BICRA: variants seen among roughly 807,000 people sequenced by gnomAD.
BICRA encodes the protein BRD4 interacting chromatin remodeling complex associated protein.
A neutral mutation model predicts 96.9 loss-of-function variants in BICRA; 31 were observed. That is an observed-to-expected ratio of 0.32 (90% CI 0.24 to 0.43). The LOEUF is 0.43. BICRA is among the 20% of genes least tolerant of loss of function. BICRA has a pLI of 1.00. For missense variants in BICRA, 2,283 were observed against 2,190.3 expected, an observed-to-expected ratio of 1.04 and a Z score of -0.84; for synonymous variants, 1,350 against 1,071.8, an observed-to-expected ratio of 1.26 and a Z score of -5.07.
intron 1 of BICRA, among the ~76,000 whole-genome samples, chr19:47,648,768 T>C (rs1314176767): frequency 6.7e-6 from 1 of 149,658 alleles, no homozygotes; most frequent in African/African-American, 2.5e-5. Context: ...AGCCTCTGCC[T>C]CCTGAGTTCA....
In BICRA at chr19:47,698,679, C is replaced by A; in HGVS notation, c.3294C>A (p.Pro1098=). Residue 1098 remains proline (P), a synonymous_variant, in exon 12 of 15, where the codon CCC becomes CCA. Coordinates refer to ENST00000594866, the MANE Select transcript of BICRA (RefSeq NM_001394372.1). This position sits in a 1 kb window ranked among gnomAD's most constrained non-coding sequence, Gnocchi z 4.8. The part of the protein sequence containing the change: ...LHKHQGSVLH[P]DYKTAFPSFE... The stretch of plus-strand genomic sequence containing the variant: ...AACACCAGGGCTCCGTCCTGCACCC[C>A]GACTACAAGACGGCCTTCCCCTCCT... 6.3e-7 allele frequency: 1 copy of A among 1,583,374 alleles called. No homozygotes were observed. Among genetic ancestry groups the A allele is most frequent in the Non-Finnish European group, 8.7e-7 (1 of 1,152,020 alleles).
Position 47,679,688 on chromosome 19 carries a change from C to A in BICRA, c.518C>A (p.Pro173His). 1 of 1,527,758 alleles carries A rather than the reference C, an allele frequency of 6.5e-7. No homozygotes were observed. 94.6% of individuals were successfully genotyped at this position (1,527,758 alleles called of 1,614,324 possible). The part of the protein sequence containing the change: ...STDLLGLQGP[P>H]TVLTHQALVP... ...GACCTGCTGGGGCTGCAGGGCCCGC[C>A]TACCGTGCTGACCCACCAGGCCCTG... Residue 173 changes from proline to histidine, a missense_variant, in exon 6 of 15, where the codon CCT (proline) becomes CAT (histidine). By Grantham distance (77) the Pro-to-His change is moderately conservative. Transcript: ENST00000594866.
intron 14 of BICRA, chr19:47,700,901 G>A (rs1973430265): frequency 4.9e-6 from 1 of 205,356 alleles, no homozygotes; most frequent in South Asian, 9.4e-5. Context: ...TATAATTAGA[G>A]CAGTGCTGTC....
chr19:47,648,237 C>T (rs1972490853), intron 1 of BICRA, among the ~76,000 whole-genome samples: 1 of 113,022 alleles, frequency 8.8e-6, no homozygotes, highest in Non-Finnish European at 1.8e-5. Context: ...AGCTGTAACC[C>T]ACCCCGTGCC....
chr19:47,658,364 A>T lies in BICRA; in HGVS notation c.-107-12079A>T, dbSNP rs544216125. 5.0e-4 allele frequency among the ~76,000 whole-genome samples: 76 copies of T among 152,196 alleles called. 1 individual carries two copies. The highest frequency in any genetic ancestry group is 1.7e-3 in the African/African-American group (71 of 41,538). On this transcript the variant is annotated intron_variant, in intron 1 of 14. Coordinates refer to ENST00000594866, the MANE Select transcript of BICRA (RefSeq NM_001394372.1). ...CTGGTGGCTTGTGTTTGATACAAGA[A>T]CAAGAACCCCAGAAGGAAAACTAAA...
At chr19:47,685,786 T>TGTGTGTGTGTGTGTGTGTGCGC in intron 7 of BICRA, among the ~76,000 whole-genome samples, 48 of 117,960 alleles carry the variant, frequency 4.1e-4, no homozygotes, top group African/African-American at 9.4e-4. Context: ...TGTGTGTGTG[T>TGTGTGTGTGTGTGTGTGTGCGC]GCGCGCGCGC....
Position 47,694,660 on chromosome 19 carries a change from C to T in BICRA, c.2829C>T (p.Phe943=). 1 of 1,596,442 alleles carries T rather than the reference C, an allele frequency of 6.3e-7. No individual in the cohort carries two copies. The highest frequency in any genetic ancestry group is 1.1e-5 in the South Asian group (1 of 90,508). Residue 943 remains phenylalanine, a synonymous_variant, in exon 8 of 15, where the codon TTC becomes TTT. Coordinates refer to ENST00000594866, the MANE Select transcript of BICRA (RefSeq NM_001394372.1). ...AAPPPPPPRT[F]QMVTTPFPAL... ...CCCCCCCACCGCCTCCTCGGACCTT[C>T]CAGATGGTGACCACCCCCTTCCCAG...
At chr19:47,646,448 T>C (rs6143070) in intron 1 of BICRA, among the ~76,000 whole-genome samples, 108,931 of 151,008 alleles carry the variant, frequency 0.72, 39,599 homozygotes, top group African/African-American at 0.82. Context: ...GACACACGTG[T>C]GCGCGCACAC....
chr19:47,689,463 T>C (rs1973208011), intron 7 of BICRA, among the ~76,000 whole-genome samples: 1 of 152,130 alleles, frequency 6.6e-6, no homozygotes, highest in African/African-American at 2.4e-5. Flanking sequence ...CAGGCTGGAG[T>C]GCAGTGGCAA....
chr19:47,667,169 C>T (rs564379101), intron 1 of BICRA, among the ~76,000 whole-genome samples: 3 of 152,256 alleles, frequency 2.0e-5, no homozygotes, highest in African/African-American at 7.2e-5. Context: ...CAGGCGCCCA[C>T]CCCCACGCCG....
chr19:47,664,394 C>G (rs1972745680), intron 1 of BICRA, among the ~76,000 whole-genome samples: 1 of 152,126 alleles, frequency 6.6e-6, no homozygotes, highest in African/African-American at 2.4e-5. Flanking sequence ...TTCTCTGGAG[C>G]TGGTTGTGGT....
At chr19:47,687,656 C>T (rs539805541) in intron 7 of BICRA, among the ~76,000 whole-genome samples, 4 of 152,006 alleles carry the variant, frequency 2.6e-5, no homozygotes, top group South Asian at 2.1e-4. Context: ...ATGAGCCAGG[C>T]GTGATGGTGG....
chr19:47,645,525 AG>A (rs1478485025), intron 1 of BICRA, among the ~76,000 whole-genome samples: 3 of 152,196 alleles, frequency 2.0e-5, no homozygotes, highest in African/African-American at 7.2e-5. Context: ...TTTCAAGAAA[AG>A]GTTAAAGAAA....
At chr19:47,639,140 A>T (rs1169232910) in intron 1 of BICRA, among the ~76,000 whole-genome samples, 1 of 151,358 alleles carries the variant, frequency 6.6e-6, no homozygotes, top group Non-Finnish European at 1.5e-5. Context: ...AGTAGCTGGG[A>T]CTACAGGTGT....
At chr19:47,673,873 T>A in intron 4 of BICRA, 111 bp downstream of exon 4, 3 of 961,360 alleles carry the variant, frequency 3.1e-6, no homozygotes, top group Non-Finnish European at 5.1e-6. Flanking sequence ...GCCTTGTGGC[T>A]TCTAACGCCA....
chr19:47,680,535 C>A lies in BICRA; in HGVS notation c.1365C>A (p.Gly455=). 6.4e-7 allele frequency: 1 copy of A among 1,558,956 alleles called. No individual in the cohort carries two copies. Among genetic ancestry groups the A allele is most frequent in the Non-Finnish European group, 8.7e-7 (1 of 1,153,030 alleles). The change falls in exon 6 of 15, where the codon GGC becomes GGA. Residue 455 remains glycine (G), a synonymous_variant. Coordinates refer to ENST00000594866, the MANE Select transcript of BICRA (RefSeq NM_001394372.1). ...KPMSVHLLNQ[G]SSIVIPAQHM... Reference sequence around the variant, plus strand: ...TGAGCGTCCACCTCCTGAACCAAGGCAGCAGCATCGTCATCCCCGCCCAGC... The same window carrying A: ...TGAGCGTCCACCTCCTGAACCAAGGAAGCAGCATCGTCATCCCCGCCCAGC...
chr19:47,666,092 T>C (rs1972774415), intron 1 of BICRA, among the ~76,000 whole-genome samples: 1 of 152,154 alleles, frequency 6.6e-6, no homozygotes, highest in Admixed American at 6.5e-5. Context: ...AACAGTCCCA[T>C]GGAGGACGTA....
rs1473808245 is a variant in BICRA, at chr19:47,657,473, T to C, written c.-107-12970T>C. Among the ~76,000 whole-genome samples, 5 of 151,724 alleles carry C rather than the reference T, an allele frequency of 3.3e-5. No homozygotes were observed. In the East Asian group the frequency reaches 7.8e-4, roughly 24 times the overall value. On this transcript the variant is annotated intron_variant, in intron 1 of 14. Transcript: ENST00000594866. ...GTGCAGTGGCATGATTTCGGCTCAC[T>C]GCAAGCTCCGCCTCACAGGTTCATG...
chr19:47,702,862 C>A lies in BICRA; in HGVS notation c.*447C>A. 5.4e-6 allele frequency: 1 copy of A among 183,642 alleles called. No individual in the cohort carries two copies. Among genetic ancestry groups the A allele is most frequent in the Non-Finnish European group, 1.1e-5 (1 of 89,970 alleles). 11.4% of individuals were successfully genotyped at this position (183,642 alleles called of 1,614,324 possible). A position where few individuals can be genotyped will look rare whatever the true frequency, so the allele number is the denominator to read the frequency against. ...CCAGACAGTCTCAGCCTCTCCCCGC[C>A]GCCCCCAACAGGCTGTCAAACAAAA... On this transcript the variant is annotated 3_prime_UTR_variant, in exon 15 of 15. Coordinates refer to ENST00000594866, the MANE Select transcript of BICRA (RefSeq NM_001394372.1).
Sources: gnomAD v4.1 joint callset for allele counts (sites outside exome capture counted in the v4.1 genomes callset) on GRCh38, gnomAD v4.1.1 for gene constraint, Gnocchi (gnomAD v3.1) non-coding constraint, MANE v1.5 for transcripts, NCBI Gene and HGNC (gene_info 2026-07-23, HGNC 2026-07-21) for gene names.